The following CSPP1 variants were observed in gnomAD, a reference collection of about 807,000 sequenced individuals.
The protein encoded by CSPP1 is centrosome and spindle pole-associated protein 1.
A neutral mutation model predicts 164.4 loss-of-function variants in CSPP1; 126 were observed. The ratio of observed to expected loss-of-function variants is 0.77; its 90% CI spans 0.66 to 0.89. The LOEUF (loss-of-function observed/expected upper bound fraction) is 0.89, where lower values mean the gene tolerates loss of function less well. CSPP1 is among the 40% of genes least tolerant of loss of function. CSPP1 has a pLI of 0.00. For synonymous variants in CSPP1, 472 were observed against 476.7 expected (o/e 0.99, Z 0.13); for missense variants, 1,395 against 1,449.8 (o/e 0.96, Z 0.61).
chr8:67,089,823 TAAAAA>T (rs772583195), intron 4 of CSPP1, among the ~76,000 whole-genome samples: 29 of 151,306 alleles, frequency 1.9e-4, no homozygotes, highest in African/African-American at 7.0e-4. Context: ...GACAGGGTAA[TAAAAA>T]AAAGTTTTTT....
chr8:67,156,883 T>C (rs767627632), intron 19 of CSPP1, among the ~76,000 whole-genome samples: 8 of 152,246 alleles, frequency 5.3e-5, no homozygotes, highest in Non-Finnish European at 8.8e-5. Flanking sequence ...TTTTGTGTTA[T>C]GTAATTGGAA....
intron 3 of CSPP1, chr8:67,080,855 A>G (rs1458927366): frequency 6.6e-6 from 1 of 152,238 alleles, no homozygotes; most frequent in African/African-American, 2.4e-5. Context: ...ATGTGACAGG[A>G]TACAGAATAT....
chr8:67,103,013 T>TTTA, intron 7 of CSPP1, 24 bp from the exon 8 acceptor site: 1 of 1,430,986 alleles, frequency 7.0e-7, no homozygotes, highest in Non-Finnish European at 9.9e-7. Context: ...TGGCACATGC[T>TTTA]TTATAAGCTA....
At chr8:67,139,649 A>C (rs928749052) in intron 17 of CSPP1, among the ~76,000 whole-genome samples, 15 of 152,340 alleles carry the variant, frequency 9.8e-5, no homozygotes, top group Non-Finnish European at 1.3e-4. Context: ...TACACCATGG[A>C]ATACTATGCA....
intron 28 of CSPP1, among the ~76,000 whole-genome samples, chr8:67,189,080 T>TA (rs1835481838): frequency 6.6e-6 from 1 of 152,148 alleles, no homozygotes; most frequent in Non-Finnish European, 1.5e-5. Context: ...TACCACCACA[T>TA]ACCTGCTAGA....
intron 19 of CSPP1, among the ~76,000 whole-genome samples, chr8:67,154,741 T>TG (rs1826359069): frequency 6.6e-6 from 1 of 152,186 alleles, no homozygotes; most frequent in Non-Finnish European, 1.5e-5. Context: ...CCTCAAGTGA[T>TG]CTGCCTGCTT....
At chr8:67,095,178 TTAAA>T (rs1389979960) in intron 6 of CSPP1, 111 bp from the exon 7 acceptor site, 69 of 558,342 alleles carry the variant, frequency 1.2e-4, no homozygotes, top group African/African-American at 1.1e-3. Context: ...ATATGGGTGA[TTAAA>T]TAAACATCAG....
At chr8:67,187,007 ATCTATCTAATCT>A (rs1449425953) in intron 28 of CSPP1, among the ~76,000 whole-genome samples, 2 of 150,726 alleles carry the variant, frequency 1.3e-5, no homozygotes, top group African/African-American at 2.4e-5. Context: ...CTATCTATCT[ATCTATCTAATCT>A]ATCTATCTAG....
intron 18 of CSPP1, 126 bp downstream of exon 18, chr8:67,150,061 A>G (rs1327500216): frequency 4.3e-6 from 4 of 925,568 alleles, no homozygotes; most frequent in Non-Finnish European, 4.5e-6. Context: ...TACAGGAAAC[A>G]TAACACACTA....
chr8:67,122,874 CTGTG>C (rs34484092), intron 15 of CSPP1, among the ~76,000 whole-genome samples: 14 of 149,372 alleles, frequency 9.4e-5, no homozygotes, highest in African/African-American at 1.5e-4. Flanking sequence ...CAGTCTTGCT[CTGTG>C]TGTGTGTGTG....
In CSPP1 at chr8:67,158,569, GGAAAA is replaced by G; in HGVS notation, c.2372_2376del (p.Lys791ArgfsTer11). 1 of 1,606,232 alleles carries G rather than the reference GGAAAA, an allele frequency of 6.2e-7. No individual in the cohort carries two copies. The highest frequency in any genetic ancestry group is 8.5e-7 in the Non-Finnish European group (1 of 1,176,182). On this transcript the variant is annotated frameshift_variant, in exon 20 of 31. Coordinates refer to ENST00000678616, the MANE Select transcript of CSPP1 (RefSeq NM_001382391.1). LOFTEE classifies it high-confidence loss of function. ...TTCAGCAGGAGTATGAAGAGGAACA[GGAAAA>G]GAAAAGAGAGAAAGAGGAGGAGGTA...
intron 3 of CSPP1, among the ~76,000 whole-genome samples, chr8:67,080,149 A>G (rs184260458): frequency 1.3e-5 from 2 of 152,342 alleles, no homozygotes; most frequent in East Asian, 3.9e-4. Context: ...ATTATTTGGC[A>G]ACTAAGGGTT....
At chr8:67,170,570 T>C (rs1472504928) in intron 24 of CSPP1, among the ~76,000 whole-genome samples, 3 of 152,232 alleles carry the variant, frequency 2.0e-5, no homozygotes, top group Non-Finnish European at 4.4e-5. Flanking sequence ...ACAGAGCTGG[T>C]CTTTGAATCT....
At chr8:67,118,137 TA>T in intron 13 of CSPP1, 110 bp from the exon 14 acceptor site, 1 of 1,126,878 alleles carries the variant, frequency 8.9e-7, no homozygotes, top group Non-Finnish European at 1.3e-6. Context: ...TGACATTTTC[TA>T]AAGTAGTGAT....
intron 8 of CSPP1, among the ~76,000 whole-genome samples, chr8:67,105,170 C>T (rs1056581826): frequency 6.7e-6 from 1 of 150,132 alleles, no homozygotes; most frequent in Non-Finnish European, 1.5e-5. Flanking sequence ...GGATTATAGG[C>T]GTGTGCCACC....
chr8:67,120,105 G>A (rs536286339), intron 15 of CSPP1, among the ~76,000 whole-genome samples: 2 of 152,196 alleles, frequency 1.3e-5, no homozygotes, highest in East Asian at 3.9e-4. Context: ...AGTTTTCTTA[G>A]CACCATTTGT....
At chr8:67,157,659 A>T (rs1826927078) in intron 19 of CSPP1, 1 of 152,250 alleles carries the variant, frequency 6.6e-6, no homozygotes, top group African/African-American at 2.4e-5. Flanking sequence ...AGTATGATCC[A>T]TACCTAAGGA....
intron 15 of CSPP1, among the ~76,000 whole-genome samples, chr8:67,119,661 C>T (rs1303643196): frequency 6.6e-6 from 1 of 152,024 alleles, no homozygotes; most frequent in African/African-American, 2.4e-5. Context: ...AGCATCTTTT[C>T]CTATGCTTCT....
At chr8:67,191,370 T>C (rs990433246) in intron 29 of CSPP1, among the ~76,000 whole-genome samples, 1 of 152,254 alleles carries the variant, frequency 6.6e-6, no homozygotes, top group African/African-American at 2.4e-5. Context: ...GAGCCAAGTA[T>C]GCAGAGACCT....
Sources: gnomAD v4.1 joint callset for allele counts (sites outside exome capture counted in the v4.1 genomes callset) on GRCh38, gnomAD v4.1.1 for gene constraint, MANE v1.5 for transcripts, NCBI Gene and HGNC (gene_info 2026-07-23, HGNC 2026-07-21) for gene names.